MRPL19: variants seen among roughly 807,000 people sequenced by gnomAD.
MRPL19 encodes large ribosomal subunit protein bL19m.
Under a neutral mutation model 34.0 loss-of-function variants are expected in MRPL19, and 31 were observed. The observed-to-expected ratio is 0.91, with a 90% CI of 0.68 to 1.23. MRPL19 has a LOEUF of 1.23. Among genes scored for constraint, MRPL19 ranks in the 50% most tolerant of loss-of-function variants. MRPL19 has a pLI of 0.00. For missense variants in MRPL19, 384 were observed against 367.6 expected (o/e 1.04, Z -0.37); for synonymous variants, 152 against 127.7 (o/e 1.19, Z -1.28).
chr2:75,661,671 A>G lies in MRPL19; in HGVS notation c.*6386A>G, dbSNP rs1210212478. 1 of 152,112 alleles carries G rather than the reference A, an allele frequency of 6.6e-6. No individual in the cohort carries two copies. The highest frequency in any genetic ancestry group is 2.4e-5 in the African/African-American group (1 of 41,418). The allele number at this position is 152,112 out of a possible 1,614,324, so 9.4% of individuals were successfully genotyped here. A position where few individuals can be genotyped will look rare whatever the true frequency, so the allele number is the denominator to read the frequency against. On this transcript the variant is annotated 3_prime_UTR_variant, in exon 6 of 6. Transcript: ENST00000393909. ...ATAGGCTCCTCATTAGAAGGCTCCT[A>G]TGTGCCGATGCTGTACAAGACATTT...
intron 2 of MRPL19, among the ~76,000 whole-genome samples, chr2:75,649,692 G>C (rs1355971902): frequency 2.0e-5 from 3 of 152,146 alleles, no homozygotes; most frequent in Admixed American, 2.0e-4. Context: ...CCAGGCTGGA[G>C]TGCAGTGGCA....
chr2:75,652,465 GT>G (rs1678353076), intron 3 of MRPL19, 57 bp from the exon 4 acceptor site: 1 of 1,573,522 alleles, frequency 6.4e-7, no homozygotes, highest in African/African-American at 1.4e-5. Flanking sequence ...CTTATATAAA[GT>G]TTACTTCTCA....
At position 75,655,102 on chromosome 2, in the gene MRPL19, C is replaced by T; in HGVS notation, c.696C>T (p.Arg232=). ...TGAAGCCTAAGCCCTGGTCTAAACG[C>T]TGGGAACGTCCAAATTTTAATATTA... is the stretch of plus-strand genomic sequence containing the variant. ...VKMKPKPWSK[R]WERPNFNIKG... is the part of the protein sequence containing the mutation. The change falls in exon 6 of 6, where the codon CGC becomes CGT. Residue 232 remains arginine (R), a synonymous_variant. Transcript: ENST00000393909. 6.2e-7 allele frequency: 1 copy of T among 1,605,554 alleles called. No individual in the cohort carries two copies. Among genetic ancestry groups the T allele is most frequent in the South Asian group, 1.1e-5 (1 of 90,728 alleles).
Position 75,652,092 on chromosome 2 carries a change from C to G in MRPL19, c.222-50C>G, listed in dbSNP as rs140746449. On this transcript the variant is annotated intron_variant, in intron 2 of 5. Coordinates refer to ENST00000393909, the MANE Select transcript of MRPL19 (RefSeq NM_014763.4). ...TCTTTGAAAAGCAACAATTTTTCTTCTAGCAGCCTTTTGAGTTTACTTTTA... is the reference window on the plus strand; with the variant it reads ...TCTTTGAAAAGCAACAATTTTTCTTGTAGCAGCCTTTTGAGTTTACTTTTA... 6,861 of 1,108,332 alleles carry G rather than the reference C, an allele frequency of 6.2e-3. 28 individuals carry two copies. The highest frequency in any genetic ancestry group is 7.9e-3 in the Non-Finnish European group (6,142 of 776,352). The allele number at this position is 1,108,332 out of a possible 1,614,324, so 68.7% of individuals were successfully genotyped here. A position where few individuals can be genotyped will look rare whatever the true frequency, so the allele number is the denominator to read the frequency against.
At chr2:75,652,717 T>A in intron 4 of MRPL19, 60 bp downstream of exon 4, 1 of 1,545,100 alleles carries the variant, frequency 6.5e-7, no homozygotes, top group Non-Finnish European at 8.8e-7. Flanking sequence ...TTCCTTTTTG[T>A]TTCTGCATCC....
intron 2 of MRPL19, among the ~76,000 whole-genome samples, chr2:75,648,764 G>A (rs1359800446): frequency 2.0e-5 from 3 of 151,950 alleles, no homozygotes; most frequent in African/African-American, 7.3e-5. Context: ...AGTTACTCGA[G>A]AGGCTGAGGC....
At chr2:75,646,934 C>A in intron 1 of MRPL19, 24 bp downstream of exon 1, 2 of 1,549,840 alleles carry the variant, frequency 1.3e-6, no homozygotes, top group South Asian at 1.2e-5. Context: ...GACTTGCGAG[C>A]TGGGGCGCGT....
rs1255192680 is a variant in MRPL19 at position 75,646,843 on chromosome 2, A to C, written c.36A>C (p.Ala12=). ...GCATTGCAGCGGGGCACTGGGCTGC[A>C]ATGGGCCTAGGCCGGAGTTTCCAAG... The part of the protein sequence containing the change: ...AACIAAGHWA[A]MGLGRSFQAA... The change falls in exon 1 of 6, where the codon GCA becomes GCC. Residue 12 remains alanine, a synonymous_variant. Coordinates refer to ENST00000393909, the MANE Select transcript of MRPL19 (RefSeq NM_014763.4). 1.9e-6 allele frequency: 3 copies of C among 1,592,602 alleles called. No individual in the cohort carries two copies. The highest frequency in any genetic ancestry group is 1.3e-5 in the African/African-American group (1 of 74,546).
chr2:75,650,790 C>T (rs757218398), intron 2 of MRPL19, among the ~76,000 whole-genome samples: 7 of 152,154 alleles, frequency 4.6e-5, no homozygotes, highest in Non-Finnish European at 8.8e-5. Context: ...GAGCGAAGAG[C>T]ACTATGAAGC....
At position 75,652,214 on chromosome 2, in the gene MRPL19, T is replaced by C. The variant is rs1452768955; in HGVS notation, c.294T>C (p.Asp98=). ...TGAAATTTCAAATAGAAAGAAAAGA[T>C]ATGTTAGAAAGGAGAAAAGTACTCC... ...DPLKFQIERK[D]MLERRKVLHI... is the part of the protein sequence containing the mutation. Residue 98 remains aspartate (D), a synonymous_variant, in exon 3 of 6, where the codon GAT becomes GAC. Coordinates refer to ENST00000393909, the MANE Select transcript of MRPL19 (RefSeq NM_014763.4). 1 of 1,606,462 alleles carries C rather than the reference T, an allele frequency of 6.2e-7. No individual in the cohort carries two copies. Among genetic ancestry groups the C allele is most frequent in the Admixed American group, 1.7e-5 (1 of 59,042 alleles).
rs1352251135 is a variant in MRPL19, at chr2:75,662,165, C to G, written c.*6880C>G. 1 of 152,192 alleles carries G rather than the reference C, an allele frequency of 6.6e-6. No homozygotes were observed. Among genetic ancestry groups the G allele is most frequent in the Non-Finnish European group, 1.5e-5 (1 of 68,042 alleles). 9.4% of individuals were successfully genotyped at this position (152,192 alleles called of 1,614,324 possible). A position where few individuals can be genotyped will look rare whatever the true frequency, so the allele number is the denominator to read the frequency against. ...TTACACTGGTTGACTAATGTTAAAACAACCTTACTTTCCAGGAATAAACCC... is the reference window on the plus strand; with the variant it reads ...TTACACTGGTTGACTAATGTTAAAAGAACCTTACTTTCCAGGAATAAACCC... On this transcript the variant is annotated 3_prime_UTR_variant, in exon 6 of 6. Transcript: ENST00000393909.
rs1384023818 is a variant in MRPL19 at position 75,648,105 on chromosome 2, T to G, written c.221+886T>G. ...TCCACGGATTTAAATAGAAGTAAAC[T>G]TGGAGTTAGAGAACTAAGAGATTCA... is the stretch of plus-strand genomic sequence containing the variant. On this transcript the variant is annotated intron_variant, in intron 2 of 5. Transcript: ENST00000393909. 2.0e-5 allele frequency among the ~76,000 whole-genome samples: 3 copies of G among 152,044 alleles called. No homozygotes were observed. In the East Asian group the frequency reaches 5.8e-4, roughly 29 times the overall value.
rs1306643496 is a variant in MRPL19 at position 75,660,210 on chromosome 2, C to T, written c.*4925C>T. On this transcript the variant is annotated 3_prime_UTR_variant, in exon 6 of 6. Coordinates refer to ENST00000393909, the MANE Select transcript of MRPL19 (RefSeq NM_014763.4). ...ATTTATCTTTGGTTCCTTTTTATAA[C>T]GTCTGTGTCTTTATTGATATTCTCA... Among the ~76,000 whole-genome samples, 15 of 152,014 alleles carry T rather than the reference C, an allele frequency of 9.9e-5. No individual in the cohort carries two copies. Among genetic ancestry groups the T allele is most frequent in the Admixed American group, 7.9e-4 (12 of 15,254 alleles).
chr2:75,647,318 C>T, intron 2 of MRPL19, 99 bp downstream of exon 2: 1 of 1,091,654 alleles, frequency 9.2e-7, no homozygotes, highest in Non-Finnish European at 1.3e-6. Flanking sequence ...GGCTGCACCT[C>T]CCCCTGCACG....
In MRPL19 at chr2:75,661,450, C is replaced by CCACA. The variant is rs1393803641; in HGVS notation, c.*6167_*6170dup. On this transcript the variant is annotated 3_prime_UTR_variant, in exon 6 of 6. Transcript: ENST00000393909. ...GTGCTGCAATTACACGCGTGAACCACCACACCCAGCCCCTGCTTGTTTTTC... is the reference window on the plus strand; with the variant it reads ...GTGCTGCAATTACACGCGTGAACCACCACACACACCCAGCCCCTGCTTGTTTTTC... 6.6e-6 allele frequency: 1 copy of CCACA among 152,100 alleles called. No homozygotes were observed. The highest frequency in any genetic ancestry group is 1.5e-5 in the Non-Finnish European group (1 of 68,116). 9.4% of individuals were successfully genotyped at this position (152,100 alleles called of 1,614,324 possible).
chr2:75,652,755 T>A, intron 4 of MRPL19, 98 bp downstream of exon 4: 1 of 1,334,710 alleles, frequency 7.5e-7, no homozygotes, highest in Non-Finnish European at 1.0e-6. Flanking sequence ...AATTTGAAAG[T>A]AAAAGGAGAC....
intron 2 of MRPL19, among the ~76,000 whole-genome samples, chr2:75,649,223 A>T (rs1011896719): frequency 3.9e-5 from 6 of 152,230 alleles, no homozygotes; most frequent in Non-Finnish European, 7.3e-5. Context: ...ATGACCAAAT[A>T]TGTGTGAAGC....
chr2:75,651,272 G>T, intron 2 of MRPL19: 1 of 499,176 alleles, frequency 2.0e-6, no homozygotes, highest in Non-Finnish European at 4.0e-6. Flanking sequence ...AATGGTTCAG[G>T]GACACGATGT....
At chr2:75,653,106 G>A (rs1327205709) in intron 4 of MRPL19, among the ~76,000 whole-genome samples, 1 of 152,026 alleles carries the variant, frequency 6.6e-6, no homozygotes, top group Non-Finnish European at 1.5e-5. Flanking sequence ...TGACTTGGGA[G>A]GAATTTTAAA....
Sources: allele counts gnomAD v4.1 joint callset (sites outside exome capture counted in the v4.1 genomes callset), GRCh38; gene constraint gnomAD v4.1.1; transcripts MANE v1.5; gene names NCBI Gene and HGNC (gene_info 2026-07-23, HGNC 2026-07-21).